The following MTUS1 variants were observed in gnomAD, a reference collection of about 807,000 sequenced individuals.
MTUS1 encodes the protein microtubule-associated tumor suppressor 1.
In MTUS1, 109 loss-of-function variants were observed where a neutral mutation model predicts 120.8. The ratio of observed to expected loss-of-function variants is 0.90; its 90% CI spans 0.77 to 1.06. The LOEUF (loss-of-function observed/expected upper bound fraction) is 1.06, where lower values mean the gene tolerates loss of function less well. MTUS1 is among the 50% of genes least tolerant of loss of function. MTUS1 has a pLI of 0.00. For missense variants in MTUS1, 2,210 were observed against 1,486.3 expected (o/e 1.49, Z -8.01); for synonymous variants, 737 against 550.5 (o/e 1.34, Z -4.74).
In MTUS1 at chr8:17,754,742, C is replaced by T. The variant is rs745831998; in HGVS notation, c.1066G>A (p.Ala356Thr). 5.0e-6 allele frequency: 8 copies of T among 1,614,234 alleles called. No individual in the cohort carries two copies. In the South Asian group the frequency reaches 7.7e-5, roughly 16 times the overall value. The change falls in exon 2 of 15, where the codon GCT (alanine) becomes ACT (threonine). Residue 356 changes from alanine (A) to threonine (T), a missense_variant. Physicochemically the swap from Ala to Thr is moderately conservative, Grantham distance 58. Transcript: ENST00000693296. ...ACTTGAGCTTCGCTCTTATCAAAAG[C>T]TGGCACCATTAAAGGGCATTCATCA... ...IDDECPLMVP[A>T]FDKSEAQVLN... is the part of the protein sequence containing the mutation.
intron 12 of MTUS1, among the ~76,000 whole-genome samples, chr8:17,652,872 T>C (rs1244418421): frequency 6.6e-6 from 1 of 151,732 alleles, no homozygotes; most frequent in Admixed American, 6.6e-5. Flanking sequence ...TTGTAGTTTG[T>C]TTTATCTCAA....
Position 17,743,647 on chromosome 8 carries a change from A to G in MTUS1, c.2244T>C (p.Asp748=), listed in dbSNP as rs773439836. The G allele has an allele frequency of 3.1e-6, 5 of 1,612,518 alleles. No individual in the cohort carries two copies. Among genetic ancestry groups the G allele is most frequent in the Non-Finnish European group, 2.5e-6 (3 of 1,179,616 alleles). Residue 748 remains aspartate (D), a synonymous_variant, in exon 3 of 15, where the codon GAT becomes GAC. Coordinates refer to ENST00000693296, the MANE Select transcript of MTUS1 (RefSeq NM_001363059.2). ...TGATCCTCTGAGGAGATACGGCTCG[A>G]TCAGCACTGGGATTTCTATTGTCAC... The part of the protein sequence containing the change: ...RNSDNRNPSA[D]RAVSPQRIRR...
At chr8:17,646,198 A>T (rs1353547063) in intron 14 of MTUS1, 59 bp from the exon 15 acceptor site, 2 of 1,471,718 alleles carry the variant, frequency 1.4e-6, no homozygotes, top group East Asian at 2.4e-5. Context: ...AACTTGAAAA[A>T]TTTTTCTTAG....
At chr8:17,781,878 G>A (rs1004102185) in intron 1 of MTUS1, among the ~76,000 whole-genome samples, 5 of 152,124 alleles carry the variant, frequency 3.3e-5, no homozygotes, top group South Asian at 4.1e-4. Context: ...TCATGAGGCC[G>A]CCTTTAGAGA....
chr8:17,692,548 T>C (rs1336916868), intron 6 of MTUS1, among the ~76,000 whole-genome samples: 1 of 152,186 alleles, frequency 6.6e-6, no homozygotes, highest in Non-Finnish European at 1.5e-5. Flanking sequence ...GAACATAATT[T>C]GATGAATTTC....
chr8:17,778,693 C>T (rs2050643424), intron 1 of MTUS1, among the ~76,000 whole-genome samples: 1 of 152,086 alleles, frequency 6.6e-6, no homozygotes, highest in Non-Finnish European at 1.5e-5. Flanking sequence ...CCTGTAGTCC[C>T]AGCTACTTGG....
intron 3 of MTUS1, among the ~76,000 whole-genome samples, chr8:17,731,477 C>T (rs905772192): frequency 2.6e-5 from 4 of 152,044 alleles, no homozygotes; most frequent in South Asian, 2.1e-4. Context: ...TGTCAGCGCT[C>T]GCCATCCACC....
chr8:17,670,074 C>T (rs760638566), intron 8 of MTUS1, among the ~76,000 whole-genome samples: 7 of 152,088 alleles, frequency 4.6e-5, no homozygotes, highest in South Asian at 2.1e-4. Flanking sequence ...CTGACATGCA[C>T]GTGGAGGATG....
At chr8:17,674,765 TTCATAC>T (rs1812740050) in intron 8 of MTUS1, 2 of 1,004,040 alleles carry the variant, frequency 2.0e-6, no homozygotes, top group African/African-American at 3.5e-5. Context: ...TCCTTTCAAC[TTCATAC>T]TCACTACTCA....
intron 1 of MTUS1, among the ~76,000 whole-genome samples, chr8:17,766,064 A>C (rs1275846880): frequency 6.6e-6 from 1 of 152,198 alleles, no homozygotes; most frequent in Non-Finnish European, 1.5e-5. Flanking sequence ...TGTTTAAATA[A>C]AAAAGCTTAA....
In MTUS1 at chr8:17,798,377, G is replaced by C. The variant is rs138326519; in HGVS notation, c.-155+2684C>G. ...AGATGGAGTTTTGCCCTGTTGCCCAGGCTGGAGTGCACTGGAGTGATCTCG... is the reference window on the plus strand; with the variant it reads ...AGATGGAGTTTTGCCCTGTTGCCCACGCTGGAGTGCACTGGAGTGATCTCG... On this transcript the variant is annotated intron_variant, in intron 1 of 14. Transcript: ENST00000693296. 3.8e-4 allele frequency among the ~76,000 whole-genome samples: 58 copies of C among 152,184 alleles called. No homozygotes were observed. The East Asian group carries it at 9.6e-3, about 25-fold the overall frequency.
At chr8:17,699,636 C>G (rs74344314) in intron 6 of MTUS1, among the ~76,000 whole-genome samples, 1 of 152,208 alleles carries the variant, frequency 6.6e-6, no homozygotes, top group Non-Finnish European at 1.5e-5. Flanking sequence ...TATAACCACA[C>G]ATATTGAAAA....
At position 17,655,955 on chromosome 8, in the gene MTUS1, G is replaced by A. The variant is rs368662263; in HGVS notation, c.3016C>T (p.Arg1006Trp). Residue 1006 changes from arginine (R) to tryptophan (W), a missense_variant, in exon 9 of 15, where the codon CGG becomes TGG. Physicochemically the swap from Arg to Trp is moderately radical, Grantham distance 101. Coordinates refer to ENST00000693296, the MANE Select transcript of MTUS1 (RefSeq NM_001363059.2). ...TCCCTGGTGTAAAACTCTTTAAGCCGATTCTCTCGTTCTGTTTTTTCAGCC... is the reference window on the plus strand; with the variant it reads ...TCCCTGGTGTAAAACTCTTTAAGCCAATTCTCTCGTTCTGTTTTTTCAGCC... ...HQAEKTEREN[R>W]LKEFYTREYE... The A allele has an allele frequency of 7.7e-5, 125 of 1,614,036 alleles. No individual in the cohort carries two copies. Among genetic ancestry groups the A allele is most frequent in the Non-Finnish European group, 9.9e-5 (117 of 1,180,026 alleles).
chr8:17,723,530 C>T, intron 4 of MTUS1, 142 bp downstream of exon 4: 2 of 840,868 alleles, frequency 2.4e-6, no homozygotes, highest in Admixed American at 2.1e-5. Context: ...TTCTGCCAAA[C>T]TTTCAGAGCA....
intron 1 of MTUS1, among the ~76,000 whole-genome samples, chr8:17,756,671 A>ACCCCCCGCC (rs1177055386): frequency 8.5e-6 from 1 of 117,484 alleles, no homozygotes; most frequent in Non-Finnish European, 1.7e-5. Flanking sequence ...TCAAGCCCAA[A>ACCCCCCGCC]CCCCCACCCC....
At position 17,718,159 on chromosome 8, in the gene MTUS1, G is replaced by A. The variant is rs1437230592; in HGVS notation, c.2450-2258C>T. Among the ~76,000 whole-genome samples, 4 of 152,138 alleles carry A rather than the reference G, an allele frequency of 2.6e-5. 1 individual carries two copies. The highest frequency in any genetic ancestry group is 2.6e-4 in the Admixed American group (4 of 15,282). ...TCCAGTAAACCCCAACTTGAAGGAT[G>A]TATACCACCATGAGTCATAATGCTC... On this transcript the variant is annotated intron_variant, in intron 4 of 14. Coordinates refer to ENST00000693296, the MANE Select transcript of MTUS1 (RefSeq NM_001363059.2).
At chr8:17,767,397 G>A (rs2049605522) in intron 1 of MTUS1, among the ~76,000 whole-genome samples, 3 of 151,834 alleles carry the variant, frequency 2.0e-5, no homozygotes, top group South Asian at 4.2e-4. Context: ...AAAAAAAAGA[G>A]TGAGAGGAGG....
At chr8:17,762,086 C>T (rs1041040182) in intron 1 of MTUS1, among the ~76,000 whole-genome samples, 4 of 152,238 alleles carry the variant, frequency 2.6e-5, no homozygotes, top group Middle Eastern at 3.4e-3. Flanking sequence ...TTGAGACCAG[C>T]CTAGCCAACA....
At chr8:17,665,705 C>T (rs532727736) in intron 8 of MTUS1, among the ~76,000 whole-genome samples, 1 of 152,146 alleles carries the variant, frequency 6.6e-6, no homozygotes, top group Admixed American at 6.5e-5. Context: ...GAACACCCAG[C>T]GGGATCTGAC....
Sources: allele counts gnomAD v4.1 joint callset (sites outside exome capture counted in the v4.1 genomes callset), GRCh38; gene constraint gnomAD v4.1.1; transcripts MANE v1.5; gene names NCBI Gene and HGNC (gene_info 2026-07-23, HGNC 2026-07-21).